The following ZBBX variants were observed in gnomAD, a reference collection of about 807,000 sequenced individuals.
ZBBX encodes zinc finger B-box domain-containing protein 1.
In ZBBX, 101 loss-of-function variants were observed where a neutral mutation model predicts 108.5. That is an observed-to-expected ratio of 0.93 (90% CI 0.79 to 1.10). ZBBX has a LOEUF of 1.10. ZBBX is among the 50% of genes least tolerant of loss of function. ZBBX has a pLI of 0.00. For synonymous variants in ZBBX, 356 were observed against 323.4 expected, an observed-to-expected ratio of 1.10 and a Z score of -1.08; for missense variants, 1,009 against 941.4, an observed-to-expected ratio of 1.07 and a Z score of -0.94.
Position 167,348,463 on chromosome 3 carries a change from GAA to G in ZBBX, c.528+1955_528+1956del, listed in dbSNP as rs971900456. 6.4e-5 allele frequency among the ~76,000 whole-genome samples: 8 copies of G among 125,222 alleles called. No homozygotes were observed. The East Asian group carries it at 2.5e-3, about 39-fold the overall frequency. 82.2% of individuals were successfully genotyped at this position (125,222 alleles called of 152,430 possible). The stretch of plus-strand genomic sequence containing the variant: ...GAGAGAGAAGGAGAGAAAGAGGAAA[GAA>G]AGAAAGAGAGAGAAGGAAAGAAAGA... On this transcript the variant is annotated intron_variant, in intron 9 of 21. Transcript: ENST00000675490.
the ZBBX span, among the ~76,000 whole-genome samples, chr3:167,195,455 A>G: frequency 6.6e-6 from 1 of 152,244 alleles, no homozygotes; most frequent in African/African-American, 2.4e-5. Flanking sequence ...GAAACAAAAC[A>G]TATGCCAAAC....
chr3:167,194,027 T>C, the ZBBX span, among the ~76,000 whole-genome samples: 1 of 151,956 alleles, frequency 6.6e-6, no homozygotes, highest in African/African-American at 2.4e-5. Context: ...TAAAGTTAGA[T>C]AGAATAAGTT....
At chr3:167,380,658 A>C (rs758628162), upstream of ZBBX, among the ~76,000 whole-genome samples, 1 of 152,138 alleles carries the variant, frequency 6.6e-6, no homozygotes, top group African/African-American at 2.4e-5. Flanking sequence ...AAAGCTAGCA[A>C]ATGGCAGACC....
the ZBBX span, among the ~76,000 whole-genome samples, chr3:167,195,631 A>G: frequency 6.6e-6 from 1 of 152,158 alleles, no homozygotes; most frequent in Non-Finnish European, 1.5e-5. Context: ...CATCTGCTCT[A>G]ACTTTAACAT....
At chr3:167,327,031 A>G (rs1737509209) in intron 11 of ZBBX, among the ~76,000 whole-genome samples, 1 of 151,916 alleles carries the variant, frequency 6.6e-6, no homozygotes, top group African/African-American at 2.4e-5. Context: ...AAATTAATAA[A>G]TTGAATACTT....
chr3:167,295,470 CA>C (rs1384536407), intron 18 of ZBBX, among the ~76,000 whole-genome samples: 5 of 151,496 alleles, frequency 3.3e-5, no homozygotes, highest in Admixed American at 6.6e-5. Context: ...TGTTCCCACT[CA>C]TAAGTGGGAG....
intron 1 of ZBBX, among the ~76,000 whole-genome samples, chr3:167,397,142 T>TTAAAAAAAAAAAAAA (rs1748261375): frequency 1.4e-5 from 1 of 72,428 alleles, no homozygotes; most frequent in African/African-American, 5.3e-5. Flanking sequence ...TTCTTGGTGG[T>TTAAAAAAAAAAAAAA]AAAAAAAAAA....
Position 167,240,685 on chromosome 3 carries a change from T to G in ZBBX, c.*108A>C. 7.6e-7 allele frequency: 1 copy of G among 1,313,048 alleles called. No individual in the cohort carries two copies. The highest frequency in any genetic ancestry group is 1.0e-6 in the Non-Finnish European group (1 of 957,620). The allele number at this position is 1,313,048 out of a possible 1,614,324, so 81.3% of individuals were successfully genotyped here. A position where few individuals can be genotyped will look rare whatever the true frequency, so the allele number is the denominator to read the frequency against. On this transcript the variant is annotated 3_prime_UTR_variant, in exon 22 of 22. Coordinates refer to ENST00000675490, the MANE Select transcript of ZBBX (RefSeq NM_001199201.2). ...TTGTAGCCTTGAAACATCAAAGACATTAGTAATCAAAATCTCCAGCACTTG... is the reference window on the plus strand; with the variant it reads ...TTGTAGCCTTGAAACATCAAAGACAGTAGTAATCAAAATCTCCAGCACTTG...
chr3:167,404,979 CT>C (rs1296933450), intron 1 of ZBBX, among the ~76,000 whole-genome samples: 1 of 152,022 alleles, frequency 6.6e-6, no homozygotes, highest in African/African-American at 2.4e-5. Flanking sequence ...ATAATAGAAA[CT>C]GGTCACTTAG....
At chr3:167,375,007 T>C (rs1560201473) in intron 2 of ZBBX, among the ~76,000 whole-genome samples, 1 of 152,176 alleles carries the variant, frequency 6.6e-6, no homozygotes, top group Non-Finnish European at 1.5e-5. Flanking sequence ...GGCCCAATAA[T>C]GAGTGGCTTT....
chr3:167,221,074 AT>A, the ZBBX span, among the ~76,000 whole-genome samples: 1 of 152,020 alleles, frequency 6.6e-6, no homozygotes, highest in Non-Finnish European at 1.5e-5. Flanking sequence ...ACACAAAAAA[AT>A]AGAAAGATAT....
At chr3:167,190,926 T>C in the ZBBX span, among the ~76,000 whole-genome samples, 1 of 152,282 alleles carries the variant, frequency 6.6e-6, no homozygotes, top group Non-Finnish European at 1.5e-5. Flanking sequence ...TATGCTTATC[T>C]TCACTAAGGC....
intron 2 of ZBBX, among the ~76,000 whole-genome samples, chr3:167,377,900 C>A (rs1023432534): frequency 6.6e-6 from 1 of 152,170 alleles, no homozygotes; most frequent in Admixed American, 6.5e-5. Context: ...GGTGGGAGGG[C>A]CCTGGTAGGA....
chr3:167,268,742 C>A (rs769654534), intron 20 of ZBBX, among the ~76,000 whole-genome samples: 1 of 152,148 alleles, frequency 6.6e-6, no homozygotes, highest in Non-Finnish European at 1.5e-5. Context: ...GGAAGACCGA[C>A]CTCTGAGTGA....
chr3:167,359,838 G>T, intron 8 of ZBBX, 32 bp downstream of exon 8: 1 of 1,113,660 alleles, frequency 9.0e-7, no homozygotes, highest in Non-Finnish European at 1.3e-6. Flanking sequence ...CTACTATACA[G>T]TATATGTATA....
the ZBBX span, among the ~76,000 whole-genome samples, chr3:167,187,485 T>C: frequency 8.5e-5 from 13 of 152,316 alleles, no homozygotes; most frequent in African/African-American, 3.1e-4. Flanking sequence ...AGAGAAGTGG[T>C]AATTTGTGAC....
chr3:167,381,733 G>A (rs1344573742), upstream of ZBBX, among the ~76,000 whole-genome samples: 1 of 152,090 alleles, frequency 6.6e-6, no homozygotes, highest in Non-Finnish European at 1.5e-5. Context: ...TTTATTGAAA[G>A]TCCATTTCCT....
chr3:167,349,324 C>G (rs2108491486), intron 9 of ZBBX, among the ~76,000 whole-genome samples: 1 of 152,178 alleles, frequency 6.6e-6, no homozygotes. Flanking sequence ...AACAATTAGA[C>G]TCACTTCTGT....
chr3:167,246,109 T>C (rs1475270038), intron 20 of ZBBX, among the ~76,000 whole-genome samples: 1 of 152,202 alleles, frequency 6.6e-6, no homozygotes, highest in East Asian at 1.9e-4. Flanking sequence ...CCCCATCTAC[T>C]TCACCAAATA....
Sources: gnomAD v4.1 joint callset for allele counts (sites outside exome capture counted in the v4.1 genomes callset) on GRCh38, gnomAD v4.1.1 for gene constraint, MANE v1.5 for transcripts, NCBI Gene and HGNC (gene_info 2026-07-23, HGNC 2026-07-21) for gene names.